OR2M4: variants seen among roughly 807,000 people sequenced by gnomAD.
The protein encoded by OR2M4 is olfactory receptor family 2 subfamily M member 4.
Under a neutral mutation model 13.7 loss-of-function variants are expected in OR2M4, and 8 were observed. The observed-to-expected ratio is 0.58, with a 90% CI of 0.34 to 1.05. OR2M4 has a LOEUF of 1.05. OR2M4 is among the 50% of genes least tolerant of loss of function. The pLI is 0.02. For missense variants in OR2M4, 374 were observed against 381.6 expected, an observed-to-expected ratio of 0.98 and a Z score of 0.17; for synonymous variants, 152 against 141.3, an observed-to-expected ratio of 1.08 and a Z score of -0.53.
rs1014004113 is a variant in OR2M4, at chr1:248,241,437, A to T, written c.*1573A>T. The T allele has an allele frequency of 1.3e-5, 2 of 152,196 alleles. No individual in the cohort carries two copies. The highest frequency in any genetic ancestry group is 2.9e-5 in the Non-Finnish European group (2 of 68,034). The allele number at this position is 152,196 out of a possible 1,614,324, so 9.4% of individuals were successfully genotyped here. On this transcript the variant is annotated 3_prime_UTR_variant, in exon 2 of 2. Coordinates refer to ENST00000641868, the MANE Select transcript of OR2M4 (RefSeq NM_017504.2). ...TCGTAAGCACCAATGGATTGATTCA[A>T]CTGAAATTTTTGTACTCACCACAGT...
At chr1:248,237,393 C>T (rs35933591) in intron 1 of OR2M4, among the ~76,000 whole-genome samples, 5,128 of 152,166 alleles carry the variant, frequency 0.034, 243 homozygotes, top group African/African-American at 0.11. Context: ...GTGGCTCATG[C>T]GTGTAATCCC....
In OR2M4 at chr1:248,239,215, G is replaced by A. The variant is rs373280040; in HGVS notation, c.287G>A (p.Gly96Asp). 4 of 1,614,154 alleles carry A rather than the reference G, an allele frequency of 2.5e-6. No individual in the cohort carries two copies. The highest frequency in any genetic ancestry group is 3.4e-6 in the Non-Finnish European group (4 of 1,180,028). Residue 96 changes from glycine to aspartate, a missense_variant, in exon 2 of 2, where the codon GGT becomes GAT. Gly to Asp is a moderately conservative substitution (Grantham distance 94, BLOSUM62 -1). Coordinates refer to ENST00000641868, the MANE Select transcript of OR2M4 (RefSeq NM_017504.2). ...GGGAAGAAATCTATCTCTCTGGCAG[G>A]TTGTGGAACTCAGATATTCTTCTAT... ...LSGKKSISLAGCGTQIFFYVS... is the reference protein window; with the variant it reads ...LSGKKSISLADCGTQIFFYVS...
chr1:248,238,645 T>A (rs566122059), intron 1 of OR2M4, among the ~76,000 whole-genome samples: 2 of 152,180 alleles, frequency 1.3e-5, no homozygotes, highest in Admixed American at 1.3e-4. Context: ...TGTGGGTAAG[T>A]AGGGAAGCTC....
rs1006272800 is a variant in OR2M4, at chr1:248,244,065, T to A, written c.*4201T>A. The A allele has an allele frequency of 2.0e-5, 3 of 152,186 alleles. No individual in the cohort carries two copies. Among genetic ancestry groups the A allele is most frequent in the Admixed American group, 1.3e-4 (2 of 15,286 alleles). The allele number at this position is 152,186 out of a possible 1,614,324, so 9.4% of individuals were successfully genotyped here. ...AAATAATAACAAATACTAGTGAAGC[T>A]GTGGAGAAAAGGAACACATATACAC... On this transcript the variant is annotated 3_prime_UTR_variant, in exon 2 of 2. Transcript: ENST00000641868.
rs1346458547 is a variant in OR2M4, at chr1:248,243,332, G to A, written c.*3468G>A. ...GGCGCCTAAGAGTAATGCCCGTAGA[G>A]AGGCTCTTGATCGGCCACTTGGCTC... On this transcript the variant is annotated 3_prime_UTR_variant, in exon 2 of 2. Coordinates refer to ENST00000641868, the MANE Select transcript of OR2M4 (RefSeq NM_017504.2). 6.6e-6 allele frequency: 1 copy of A among 152,162 alleles called. No individual in the cohort carries two copies. The highest frequency in any genetic ancestry group is 2.4e-5 in the African/African-American group (1 of 41,430). 9.4% of individuals were successfully genotyped at this position (152,162 alleles called of 1,614,324 possible).
rs767976689 is a variant in OR2M4, at chr1:248,239,234, C to G, written c.306C>G (p.Phe102Leu). Residue 102 changes from phenylalanine (F) to leucine (L), a missense_variant, in exon 2 of 2, where the codon TTC (phenylalanine) becomes TTG (leucine). Transcript: ENST00000641868. ...ISLAGCGTQI[F>L]FYVSLLGAEC... Reference sequence around the variant, plus strand: ...TGGCAGGTTGTGGAACTCAGATATTCTTCTATGTGTCCCTGCTTGGAGCTG... The same window carrying G: ...TGGCAGGTTGTGGAACTCAGATATTGTTCTATGTGTCCCTGCTTGGAGCTG... 4.7e-5 allele frequency: 76 copies of G among 1,613,968 alleles called. No individual in the cohort carries two copies. In the Middle Eastern group the frequency reaches 4.9e-4, roughly 10 times the overall value.
chr1:248,232,166 A>T lies in OR2M4; in HGVS notation c.-20+586A>T, dbSNP rs74327658. ...AATTTTTCATGAAATATACTAATTC[A>T]TAAAATTCTGACAATCAATGTTATA... On this transcript the variant is annotated intron_variant, in intron 1 of 1. Coordinates refer to ENST00000641868, the MANE Select transcript of OR2M4 (RefSeq NM_017504.2). Among the ~76,000 whole-genome samples the T allele has an allele frequency of 6.6e-4, 100 of 152,294 alleles. 1 individual carries two copies. In the East Asian group the frequency reaches 0.012, roughly 18 times the overall value.
chr1:248,244,628 C>T lies in OR2M4; in HGVS notation c.*4764C>T, dbSNP rs1189839461. On this transcript the variant is annotated 3_prime_UTR_variant, in exon 2 of 2. Coordinates refer to ENST00000641868, the MANE Select transcript of OR2M4 (RefSeq NM_017504.2). The stretch of plus-strand genomic sequence containing the variant: ...TGGGTGATGGGATCTATACCCTAAA[C>T]CTCAGCGTGATGAAATATACACATG... 6.6e-6 allele frequency: 1 copy of T among 152,072 alleles called. No individual in the cohort carries two copies. The highest frequency in any genetic ancestry group is 2.4e-5 in the African/African-American group (1 of 41,384). 9.4% of individuals were successfully genotyped at this position (152,072 alleles called of 1,614,324 possible). A position where few individuals can be genotyped will look rare whatever the true frequency, so the allele number is the denominator to read the frequency against.
rs562225578 is a variant in OR2M4 at position 248,241,048 on chromosome 1, G to T, written c.*1184G>T. 1 of 152,200 alleles carries T rather than the reference G, an allele frequency of 6.6e-6. No individual in the cohort carries two copies. The highest frequency in any genetic ancestry group is 1.5e-5 in the Non-Finnish European group (1 of 68,062). 9.4% of individuals were successfully genotyped at this position (152,200 alleles called of 1,614,324 possible). A position where few individuals can be genotyped will look rare whatever the true frequency, so the allele number is the denominator to read the frequency against. On this transcript the variant is annotated 3_prime_UTR_variant, in exon 2 of 2. Transcript: ENST00000641868. ...GAGGCTCTAAGTAAACTTAAAAGGC[G>T]GTCTATGCCATAAGTACTGCAACTC...
intron 1 of OR2M4, among the ~76,000 whole-genome samples, chr1:248,234,710 A>G (rs1666540120): frequency 6.7e-6 from 1 of 150,010 alleles, no homozygotes; most frequent in Non-Finnish European, 1.5e-5. Context: ...CATTTTCTTT[A>G]TGAGATGGTA....
chr1:248,236,794 C>CA (rs1455176980), intron 1 of OR2M4, among the ~76,000 whole-genome samples: 7 of 152,060 alleles, frequency 4.6e-5, no homozygotes, highest in South Asian at 2.1e-4. Flanking sequence ...CACCTCTACA[C>CA]AAAAAACTAG....
intron 1 of OR2M4, among the ~76,000 whole-genome samples, chr1:248,236,191 C>T (rs1382391750): frequency 2.0e-5 from 3 of 152,044 alleles, no homozygotes; most frequent in Non-Finnish European, 2.9e-5. Context: ...TGCAAAAGAG[C>T]TGAAATCATA....
intron 1 of OR2M4, 59 bp from the exon 2 acceptor site, chr1:248,238,851 C>T: frequency 9.2e-7 from 1 of 1,081,118 alleles, no homozygotes; most frequent in Non-Finnish European, 1.4e-6. Flanking sequence ...GAGTATGTCA[C>T]AGTATGTGTT....
rs376503475 is a variant in OR2M4, at chr1:248,239,908, T to C, written c.*44T>C. 17 of 1,232,810 alleles carry C rather than the reference T, an allele frequency of 1.4e-5. No individual in the cohort carries two copies. The Middle Eastern group carries it at 2.2e-3, about 157-fold the overall frequency. The allele number at this position is 1,232,810 out of a possible 1,614,324, so 76.4% of individuals were successfully genotyped here. ...GAGTGCCTACTGTGGTCAACACTCA[T>C]TCAAAAAAACTGGAATCTCTTAAAT... On this transcript the variant is annotated 3_prime_UTR_variant, in exon 2 of 2. Coordinates refer to ENST00000641868, the MANE Select transcript of OR2M4 (RefSeq NM_017504.2).
Position 248,239,538 on chromosome 1 carries a change from GT to G in OR2M4, c.611del (p.Val204GlyfsTer2). ...TGAAAGACTACTTGTCATTTGTTGT[GT>G]GGTAATGCTAATCTTTCCAGTTTCA... ...AFERLLVICCVVMLIFPVSVI... is the reference protein window; with the variant it reads ...AFERLLVICCXVMLIFPVSVI... On this transcript the variant is annotated frameshift_variant, in exon 2 of 2. Transcript: ENST00000641868. LOFTEE classifies it high-confidence loss of function. 6.2e-7 allele frequency: 1 copy of G among 1,614,068 alleles called. No homozygotes were observed. The highest frequency in any genetic ancestry group is 1.3e-5 in the African/African-American group (1 of 75,002).
At chr1:248,235,259 G>A (rs533603590) in intron 1 of OR2M4, among the ~76,000 whole-genome samples, 4 of 152,152 alleles carry the variant, frequency 2.6e-5, no homozygotes, top group African/African-American at 9.6e-5. Flanking sequence ...TACTAAATAG[G>A]GACTCCTTTC....
Position 248,239,484 on chromosome 1 carries a change from C to T in OR2M4, c.556C>T (p.Pro186Ser), listed in dbSNP as rs752250842. The change falls in exon 2 of 2, where the codon CCT becomes TCT. Residue 186 changes from proline (P) to serine (S), a missense_variant. Transcript: ENST00000641868. ...HFFCDVAALL[P>S]LSCTETSAFE... ...TTTCTGTGATGTTGCTGCCCTTTTA[C>T]CTCTATCCTGCACAGAAACATCTGC... 127 of 1,613,970 alleles carry T rather than the reference C, an allele frequency of 7.9e-5. No individual in the cohort carries two copies. Among genetic ancestry groups the T allele is most frequent in the Middle Eastern group, 1.6e-4 (1 of 6,084 alleles).
chr1:248,232,940 T>C lies in OR2M4; in HGVS notation c.-20+1360T>C, dbSNP rs979663706. On this transcript the variant is annotated intron_variant, in intron 1 of 1. Coordinates refer to ENST00000641868, the MANE Select transcript of OR2M4 (RefSeq NM_017504.2). ...TGTGTCACCAGCTGAGGAGTTATTC[T>C]CTAGTTCAACATTTGCTATATCTTG... 2.6e-5 allele frequency among the ~76,000 whole-genome samples: 4 copies of C among 152,240 alleles called. No homozygotes were observed. In the East Asian group the frequency reaches 7.7e-4, roughly 29 times the overall value.
Position 248,239,566 on chromosome 1 carries a change from T to A in OR2M4, c.638T>A (p.Val213Asp). 1 of 1,614,154 alleles carries A rather than the reference T, an allele frequency of 6.2e-7. No individual in the cohort carries two copies. ...CVVMLIFPVS[V>D]IILSYSHVLR... is the part of the protein sequence containing the mutation. The stretch of plus-strand genomic sequence containing the variant: ...GTAATGCTAATCTTTCCAGTTTCAG[T>A]TATCATACTTTCCTATTCCCATGTC... The change falls in exon 2 of 2, where the codon GTT becomes GAT. Residue 213 changes from valine (V) to aspartate (D), a missense_variant. Coordinates refer to ENST00000641868, the MANE Select transcript of OR2M4 (RefSeq NM_017504.2).
Sources: allele counts gnomAD v4.1 joint callset (sites outside exome capture counted in the v4.1 genomes callset), GRCh38; gene constraint gnomAD v4.1.1; transcripts MANE v1.5; gene names NCBI Gene and HGNC (gene_info 2026-07-23, HGNC 2026-07-21).